Variants in PRR5 observed in about 807,000 individuals in gnomAD.
The protein encoded by PRR5 is proline rich 5, also known as proline-rich protein 5.
Under a neutral mutation model 30.6 loss-of-function variants are expected in PRR5, and 25 were observed. The observed-to-expected ratio is 0.82, with a 90% confidence interval of 0.60 to 1.14. The LOEUF is 1.14. Ranked by LOEUF, PRR5 falls within the 50% of genes most tolerant of loss-of-function variation. The pLI, the probability that PRR5 is intolerant of heterozygous loss-of-function variation, is 0.00. For synonymous variants in PRR5, 286 were observed against 247.1 expected, an observed-to-expected ratio of 1.16 and a Z score of -1.48; for missense variants, 600 against 547.1, an observed-to-expected ratio of 1.10 and a Z score of -0.96.
intron 7 of PRR5, 52 bp from the exon 8 acceptor site, chr22:44,736,720 G>A (rs376789084): frequency 6.0e-4 from 908 of 1,510,816 alleles, no homozygotes; most frequent in Non-Finnish European, 7.6e-4. Flanking sequence ...GTGCCAAGGC[G>A]GGCGGGGACC....
At chr22:44,729,673 A>G (rs1221753119) in intron 4 of PRR5, 13 of 983,046 alleles carry the variant, frequency 1.3e-5, no homozygotes, top group Middle Eastern at 5.2e-4. Context: ...AGGGGCCCCC[A>G]CAGGACAGGC....
Position 44,729,492 on chromosome 22 carries a change from G to A in PRR5, c.323-2238G>A, listed in dbSNP as rs986829533. The A allele has an allele frequency of 1.6e-5, 16 of 985,408 alleles. No individual in the cohort carries two copies. In the East Asian group the frequency reaches 3.4e-4, roughly 21 times the overall value. 61.0% of individuals were successfully genotyped at this position (985,408 alleles called of 1,614,324 possible). A position where few individuals can be genotyped will look rare whatever the true frequency, so the allele number is the denominator to read the frequency against. On this transcript the variant is annotated intron_variant, in intron 4 of 7. Transcript: ENST00000336985. ...GCCAAGGTACGGCGCGCACACACCC[G>A]GCCCCGTCCTGCCGGCAGCAAACGC...
intron 1 of PRR5, among the ~76,000 whole-genome samples, chr22:44,680,304 C>A (rs1924159182): frequency 6.6e-6 from 1 of 152,162 alleles, no homozygotes; most frequent in Non-Finnish European, 1.5e-5. Flanking sequence ...TGCCCCGTGG[C>A]TTCCTGTGAG....
intron 1 of PRR5, among the ~76,000 whole-genome samples, chr22:44,711,715 G>A (rs1476526350): frequency 6.6e-6 from 1 of 152,182 alleles, no homozygotes; most frequent in African/African-American, 2.4e-5. Context: ...CTGGGCTCCA[G>A]GAGAGAACTT....
intron 1 of PRR5, 43 bp from the exon 2 acceptor site, chr22:44,714,548 C>A: frequency 1.2e-6 from 2 of 1,608,002 alleles, no homozygotes; most frequent in Non-Finnish European, 8.5e-7. Context: ...CCAGGGGGCT[C>A]TCAGACCTCA....
At chr22:44,699,231 G>A (rs574539074), upstream of PRR5, among the ~76,000 whole-genome samples, 5 of 152,070 alleles carry the variant, frequency 3.3e-5, no homozygotes, top group Middle Eastern at 3.2e-3. Flanking sequence ...CTCCCACCTC[G>A]GGCTGCCCAT....
At chr22:44,706,469 G>T (rs533337675) in intron 1 of PRR5, among the ~76,000 whole-genome samples, 1 of 152,252 alleles carries the variant, frequency 6.6e-6, no homozygotes, top group East Asian at 1.9e-4. Context: ...TGAGCATTTC[G>T]CTGGGGTCTG....
At chr22:44,727,194 T>C (rs1018952007) in intron 4 of PRR5, among the ~76,000 whole-genome samples, 1 of 152,106 alleles carries the variant, frequency 6.6e-6, no homozygotes, top group East Asian at 1.9e-4. Flanking sequence ...TCTGCCTGAC[T>C]TTAGGGCACA....
intron 1 of PRR5, among the ~76,000 whole-genome samples, chr22:44,680,231 G>A (rs1048482792): frequency 3.3e-5 from 5 of 152,188 alleles, no homozygotes; most frequent in Admixed American, 3.3e-4. Flanking sequence ...TGCAACTTTT[G>A]ACAGTTTGCT....
intron 1 of PRR5, chr22:44,668,897 G>T (rs1470486819): frequency 6.7e-6 from 1 of 150,338 alleles, no homozygotes; most frequent in Non-Finnish European, 1.5e-5. Flanking sequence ...GCGGAAGGGG[G>T]GGCCCCGGGG....
At chr22:44,692,732 G>C (rs73171600) in intron 1 of PRR5, among the ~76,000 whole-genome samples, 2 of 152,332 alleles carry the variant, frequency 1.3e-5, no homozygotes, top group Admixed American at 1.3e-4. Flanking sequence ...GGTTGGGAGT[G>C]CAGCCCGGGA....
chr22:44,693,618 T>G (rs1170356143), intron 1 of PRR5, among the ~76,000 whole-genome samples: 3 of 113,468 alleles, frequency 2.6e-5, no homozygotes, highest in Non-Finnish European at 3.5e-5. Flanking sequence ...CACATGGACT[T>G]TTTTTTTTTT....
chr22:44,715,128 G>A (rs532835200), intron 2 of PRR5, among the ~76,000 whole-genome samples: 3 of 152,308 alleles, frequency 2.0e-5, no homozygotes, highest in East Asian at 1.9e-4. Context: ...GTGAATAGCC[G>A]GGAAATGAGG....
chr22:44,735,020 C>T lies in PRR5; in HGVS notation c.556-7C>T. ...GACCCCCTACCCCCTGCCCCACTCTCCTGCAGGGGGTACATGAGTCCAGGG... is the reference window on the plus strand; with the variant it reads ...GACCCCCTACCCCCTGCCCCACTCTTCTGCAGGGGGTACATGAGTCCAGGG... On this transcript the variant is annotated splice_polypyrimidine_tract_variant and splice_region_variant and intron_variant, in intron 6 of 7. Transcript: ENST00000336985. 1.2e-6 allele frequency: 2 copies of T among 1,611,552 alleles called. No individual in the cohort carries two copies. Among genetic ancestry groups the T allele is most frequent in the Non-Finnish European group, 1.7e-6 (2 of 1,178,828 alleles).
In PRR5 at chr22:44,671,864, A is replaced by G. The variant is rs1338723131; in HGVS notation, c.-11+3059A>G. ...TAGGCTGTAGGCTGCTGTGAGAGTT[A>G]AGCAACTTCATGTCAGGTGCTTGAA... On this transcript the variant is annotated intron_variant, in intron 1 of 8. Coordinates refer to the PRR5 transcript ENST00000432186. Among the ~76,000 whole-genome samples, 4 of 152,192 alleles carry G rather than the reference A, an allele frequency of 2.6e-5. No homozygotes were observed. In the East Asian group the frequency reaches 5.8e-4, roughly 22 times the overall value.
intron 4 of PRR5, among the ~76,000 whole-genome samples, chr22:44,727,728 G>A (rs767689306): frequency 1.1e-4 from 17 of 152,166 alleles, no homozygotes; most frequent in Non-Finnish European, 2.2e-4. Flanking sequence ...CCACTCCACA[G>A]AGAAGGACAC....
chr22:44,675,762 G>GTTGTTATTA (rs1555894616), upstream of PRR5, among the ~76,000 whole-genome samples: 103 of 142,964 alleles, frequency 7.2e-4, no homozygotes, highest in Middle Eastern at 3.6e-3. Context: ...TGTTGCTGTT[G>GTTGTTATTA]TTATTATTAT....
intron 3 of PRR5, 88 bp from the exon 4 acceptor site, chr22:44,726,489 T>A: frequency 6.3e-7 from 1 of 1,596,306 alleles, no homozygotes; most frequent in Non-Finnish European, 8.5e-7. Flanking sequence ...GGCTGCTCAC[T>A]GGTGGATGGA....
At chr22:44,692,525 GCTC>G (rs1293589581) in intron 1 of PRR5, among the ~76,000 whole-genome samples, 1 of 121,188 alleles carries the variant, frequency 8.3e-6, no homozygotes, top group African/African-American at 3.2e-5. Context: ...CCTCCTGGGG[GCTC>G]CTCCTCCCGG....
Sources: allele counts gnomAD v4.1 joint callset (sites outside exome capture counted in the v4.1 genomes callset), GRCh38; gene constraint gnomAD v4.1.1; transcripts MANE v1.5; gene names NCBI Gene and HGNC (gene_info 2026-07-23, HGNC 2026-07-21).